Variants in TMEM242 observed in about 807,000 individuals in gnomAD.
The protein encoded by TMEM242 is transmembrane protein 242, also known as UPF0463 transmembrane protein C6orf35.
TMEM242 carries 10 observed loss-of-function variants against 18.2 expected under a neutral mutation model. That is an observed-to-expected ratio of 0.55 (90% confidence interval 0.34 to 0.93). The LOEUF (loss-of-function observed/expected upper bound fraction) is 0.93, where lower values mean the gene tolerates loss of function less well. Among genes scored for constraint, TMEM242 ranks in the 40% least tolerant of loss-of-function variants. The probability of loss-of-function intolerance (pLI) is 0.02; values close to 1 mark genes in which losing one functional copy is unlikely to be tolerated. For synonymous variants in TMEM242, 57 were observed against 69.9 expected (o/e 0.81, Z 0.92); for missense variants, 186 against 175.5 (o/e 1.06, Z -0.34).
At chr6:157,297,734 A>G (rs1230149493) in intron 3 of TMEM242, among the ~76,000 whole-genome samples, 2 of 152,234 alleles carry the variant, frequency 1.3e-5, no homozygotes, top group Non-Finnish European at 1.5e-5. Context: ...GAGGGCAGAT[A>G]CTGATATTTT....
At chr6:157,312,574 ACCCGGCCTCATCATAGTGCCG>A (rs1562385076) in intron 3 of TMEM242, among the ~76,000 whole-genome samples, 40 of 148,974 alleles carry the variant, frequency 2.7e-4, no homozygotes, top group East Asian at 1.2e-3. Context: ...GTGTACGCTC[ACCCGGCCTCATCATAGTGCCG>A]CAGTGTGCAC....
At chr6:157,313,114 G>A (rs1246518760) in intron 3 of TMEM242, among the ~76,000 whole-genome samples, 128 of 1,346 alleles carry the variant, frequency 0.095, 6 homozygotes, top group East Asian at 0.15. Flanking sequence ...CCCAGTGTGT[G>A]CTCACCCGGC....
intron 3 of TMEM242, among the ~76,000 whole-genome samples, chr6:157,312,843 C>T (rs797038526): frequency 1.6e-5 from 1 of 61,656 alleles, no homozygotes; most frequent in Admixed American, 1.6e-4. Flanking sequence ...ACAGTGTGCA[C>T]TCACCTGGCC....
intron 3 of TMEM242, among the ~76,000 whole-genome samples, 177 bp from the exon 4 acceptor site, chr6:157,293,176 T>C (rs1777706150): frequency 6.6e-6 from 1 of 152,132 alleles, no homozygotes. Context: ...AAATGAAATA[T>C]ACTTCCTTTC....
chr6:157,310,621 T>G (rs797039063), intron 3 of TMEM242, among the ~76,000 whole-genome samples: 1 of 2,010 alleles, frequency 5.0e-4, no homozygotes, highest in Non-Finnish European at 1.4e-3. Flanking sequence ...TGCCCTCACC[T>G]AGCCTCATCA....
chr6:157,308,988 GA>G (rs1777954666), intron 3 of TMEM242, among the ~76,000 whole-genome samples: 1 of 152,172 alleles, frequency 6.6e-6, no homozygotes, highest in Non-Finnish European at 1.5e-5. Context: ...ATTTAATAGT[GA>G]AAAATTGCAA....
chr6:157,321,170 G>T (rs1376797850), intron 2 of TMEM242, among the ~76,000 whole-genome samples: 2 of 151,876 alleles, frequency 1.3e-5, no homozygotes, highest in Non-Finnish European at 2.9e-5. Flanking sequence ...CACCCGCCCA[G>T]TTAATTCTTT....
chr6:157,307,699 T>G (rs1208326013), intron 3 of TMEM242, among the ~76,000 whole-genome samples: 1 of 152,172 alleles, frequency 6.6e-6, no homozygotes, highest in East Asian at 1.9e-4. Flanking sequence ...TTCACTGATG[T>G]GCAGTGCTAC....
chr6:157,320,460 TGTTA>T (rs1413065443), intron 2 of TMEM242, among the ~76,000 whole-genome samples: 3 of 152,208 alleles, frequency 2.0e-5, no homozygotes, highest in African/African-American at 7.2e-5. Context: ...TTTACATTTT[TGTTA>T]GTCTTTTATT....
chr6:157,316,459 G>A (rs1305894338), intron 3 of TMEM242, among the ~76,000 whole-genome samples: 2 of 152,256 alleles, frequency 1.3e-5, no homozygotes, highest in East Asian at 3.9e-4. Flanking sequence ...TATATTGGTC[G>A]AAAGCAAAAT....
intron 3 of TMEM242, among the ~76,000 whole-genome samples, chr6:157,300,714 G>C (rs187427044): frequency 4.1e-4 from 62 of 152,318 alleles, no homozygotes; most frequent in Admixed American, 2.0e-4. Context: ...AGCAGGGTAG[G>C]GGCCCGCTGG....
In TMEM242 at chr6:157,322,121, T is replaced by C. The variant is rs140169762; in HGVS notation, c.189+584A>G. Among the ~76,000 whole-genome samples, 141 of 152,310 alleles carry C rather than the reference T, an allele frequency of 9.3e-4. 1 individual carries two copies. In the East Asian group the frequency reaches 0.022, roughly 24 times the overall value. ...CATCAAATTGTAATTACACAGTTATTTGTGTGAATATTTATTTATTTATTT... is the reference window on the plus strand; with the variant it reads ...CATCAAATTGTAATTACACAGTTATCTGTGTGAATATTTATTTATTTATTT... On this transcript the variant is annotated intron_variant, in intron 2 of 3. Transcript: ENST00000400788.
chr6:157,312,673 C>T, intron 3 of TMEM242, among the ~76,000 whole-genome samples: 1 of 135,440 alleles, frequency 7.4e-6, no homozygotes, highest in South Asian at 2.4e-4. Context: ...CCAGGGTGCA[C>T]TCACCTAGCC....
chr6:157,292,253 T>C lies in TMEM242; in HGVS notation c.*648A>G, dbSNP rs1554246864. The C allele has an allele frequency of 6.6e-6, 1 of 152,198 alleles. No individual in the cohort carries two copies. The highest frequency in any genetic ancestry group is 2.4e-5 in the African/African-American group (1 of 41,444). 9.4% of individuals were successfully genotyped at this position (152,198 alleles called of 1,614,324 possible). A position where few individuals can be genotyped will look rare whatever the true frequency, so the allele number is the denominator to read the frequency against. On this transcript the variant is annotated 3_prime_UTR_variant, in exon 4 of 4. Transcript: ENST00000400788. ...TCATTATTTTAGCCCAACTGTGCCT[T>C]TTGGGGTGATCACAACTCATTACTG...
chr6:157,318,983 G>A, intron 2 of TMEM242, 64 bp from the exon 3 acceptor site: 3 of 1,474,090 alleles, frequency 2.0e-6, no homozygotes, highest in Non-Finnish European at 1.8e-6. Context: ...CATTCTGGGG[G>A]TGTTTGCAAA....
intron 3 of TMEM242, among the ~76,000 whole-genome samples, chr6:157,298,815 G>A (rs1275175969): frequency 1.3e-5 from 2 of 152,196 alleles, no homozygotes; most frequent in Non-Finnish European, 2.9e-5. Context: ...AACAAGGCAA[G>A]TGCTGCTACA....
At chr6:157,300,000 CGGGG>C in intron 3 of TMEM242, 9 of 1,338,102 alleles carry the variant, frequency 6.7e-6, no homozygotes, top group Non-Finnish European at 9.7e-6. Context: ...TCACTCTTCA[CGGGG>C]GTGAAGAGCC....
intron 2 of TMEM242, among the ~76,000 whole-genome samples, chr6:157,319,549 A>G (rs941183451): frequency 5.9e-5 from 9 of 152,236 alleles, no homozygotes; most frequent in African/African-American, 1.9e-4. Flanking sequence ...GGGAACTACA[A>G]AGAAAAATGA....
At chr6:157,300,732 C>T (rs1160573220) in intron 3 of TMEM242, among the ~76,000 whole-genome samples, 1 of 152,174 alleles carries the variant, frequency 6.6e-6, no homozygotes, top group Admixed American at 6.5e-5. Context: ...TGGGAGTCAT[C>T]CCATCACTAA....
Sources: gnomAD v4.1 joint callset for allele counts (sites outside exome capture counted in the v4.1 genomes callset) on GRCh38, gnomAD v4.1.1 for gene constraint, MANE v1.5 for transcripts, NCBI Gene and HGNC (gene_info 2026-07-23, HGNC 2026-07-21) for gene names.